Variants in GAB2 observed in about 807,000 individuals in gnomAD.
GAB2 encodes the protein GRB2-associated-binding protein 2.
GAB2 carries 26 observed loss-of-function variants against 65.5 expected under a neutral mutation model. The observed-to-expected ratio is 0.40, with a 90% confidence interval of 0.29 to 0.55. GAB2 has a LOEUF of 0.55. GAB2 is among the 20% of genes least tolerant of loss of function. The pLI is 0.53. For synonymous variants in GAB2, 321 were observed against 329.6 expected, an observed-to-expected ratio of 0.97 and a Z score of 0.28; for missense variants, 884 against 875.8, an observed-to-expected ratio of 1.01 and a Z score of -0.12.
chr11:78,267,419 A>G (rs1355885216), intron 2 of GAB2, among the ~76,000 whole-genome samples: 9 of 152,212 alleles, frequency 5.9e-5, no homozygotes, highest in Admixed American at 5.9e-4. Context: ...AGGTGAAAAC[A>G]CTGCCTCTTT....
At chr11:78,239,985 G>A (rs1376834464) in intron 3 of GAB2, among the ~76,000 whole-genome samples, 4 of 152,024 alleles carry the variant, frequency 2.6e-5, no homozygotes, top group Non-Finnish European at 5.9e-5. Context: ...ACATTCCAAA[G>A]CTGAGCTGTG....
intron 1 of GAB2, among the ~76,000 whole-genome samples, chr11:78,305,234 T>G (rs1314052836): frequency 6.6e-6 from 1 of 152,214 alleles, no homozygotes; most frequent in Non-Finnish European, 1.5e-5. Context: ...TACATGGAAG[T>G]CTGTGGCAGA....
intron 1 of GAB2, among the ~76,000 whole-genome samples, chr11:78,339,567 G>A (rs1169150821): frequency 6.6e-6 from 1 of 152,230 alleles, no homozygotes; most frequent in Admixed American, 6.5e-5. Flanking sequence ...TGGTGGCAGT[G>A]ATCAACTGTT....
At chr11:78,369,520 G>T (rs1856540609) in intron 1 of GAB2, among the ~76,000 whole-genome samples, 1 of 152,204 alleles carries the variant, frequency 6.6e-6, no homozygotes, top group Admixed American at 6.5e-5. Context: ...TTTCTCATTA[G>T]AAGAGTCGCC....
intron 1 of GAB2, among the ~76,000 whole-genome samples, chr11:78,346,576 A>G (rs1856182425): frequency 7.7e-6 from 1 of 130,444 alleles, no homozygotes; most frequent in Admixed American, 7.9e-5. Context: ...ATGCTGCCTG[A>G]GAAGAGAAGA....
chr11:78,363,590 T>A (rs1183563529), intron 1 of GAB2, among the ~76,000 whole-genome samples: 85 of 151,060 alleles, frequency 5.6e-4, no homozygotes, highest in African/African-American at 2.0e-3. Flanking sequence ...TATTTTCTTT[T>A]TTTTTTTTTT....
intron 6 of GAB2, among the ~76,000 whole-genome samples, chr11:78,222,926 A>T (rs1310079946): frequency 6.6e-6 from 1 of 152,200 alleles, no homozygotes; most frequent in Non-Finnish European, 1.5e-5. Flanking sequence ...GGTCACCGTG[A>T]CTACTCCCTG....
intron 1 of GAB2, among the ~76,000 whole-genome samples, chr11:78,346,263 T>C (rs1292247666): frequency 1.3e-5 from 2 of 152,164 alleles, no homozygotes; most frequent in Admixed American, 6.5e-5. Flanking sequence ...TAGGGCTCCA[T>C]ATTCAAAACA....
At chr11:78,385,173 T>C (rs1022841501) in intron 1 of GAB2, among the ~76,000 whole-genome samples, 1 of 152,164 alleles carries the variant, frequency 6.6e-6, no homozygotes, top group African/African-American at 2.4e-5. Context: ...AAAATCATGG[T>C]GATACACACA....
At chr11:78,410,412 G>A (rs527300412) in intron 1 of GAB2, among the ~76,000 whole-genome samples, 1 of 152,348 alleles carries the variant, frequency 6.6e-6, no homozygotes, top group Admixed American at 6.5e-5. Context: ...GCTGAGGCAG[G>A]AGAACTGCTG....
At chr11:78,309,953 TGTGTGTGTGTGTGTGTGTGC>T (rs1449197036) in intron 1 of GAB2, among the ~76,000 whole-genome samples, 1 of 141,326 alleles carries the variant, frequency 7.1e-6, no homozygotes, top group African/African-American at 3.1e-5. Flanking sequence ...TGTGTGTGTG[TGTGTGTGTGTGTGTGTGTGC>T]GCGCGCGCCT....
chr11:78,276,246 G>A (rs938391291), intron 2 of GAB2, among the ~76,000 whole-genome samples: 1 of 152,056 alleles, frequency 6.6e-6, no homozygotes, highest in Non-Finnish European at 1.5e-5. Context: ...GCTGCAGTGA[G>A]CTGTGATTAT....
intron 1 of GAB2, among the ~76,000 whole-genome samples, chr11:78,401,697 G>A (rs1219045779): frequency 2.0e-5 from 3 of 152,072 alleles, no homozygotes; most frequent in African/African-American, 7.2e-5. Context: ...GCATATATGT[G>A]ATATGTATAT....
chr11:78,410,856 C>G (rs1321777669), intron 1 of GAB2, among the ~76,000 whole-genome samples: 1 of 152,162 alleles, frequency 6.6e-6, no homozygotes, highest in African/African-American at 2.4e-5. Context: ...TCTACACCAT[C>G]TCTTCCAGAA....
At chr11:78,353,410 C>T (rs1856310496) in intron 1 of GAB2, among the ~76,000 whole-genome samples, 1 of 152,194 alleles carries the variant, frequency 6.6e-6, no homozygotes, top group Non-Finnish European at 1.5e-5. Flanking sequence ...CATTGCACTC[C>T]AGCCTGGGTA....
intron 1 of GAB2, among the ~76,000 whole-genome samples, chr11:78,337,564 G>C (rs923801367): frequency 5.1e-4 from 77 of 152,310 alleles, no homozygotes; most frequent in African/African-American, 1.8e-3. Flanking sequence ...GGAAGTTGGA[G>C]AAAGAATGGT....
chr11:78,323,842 G>T (rs1405231149), intron 1 of GAB2, among the ~76,000 whole-genome samples: 1 of 130,396 alleles, frequency 7.7e-6, no homozygotes, highest in Non-Finnish European at 1.6e-5. Context: ...CTGTTGCCCA[G>T]GCTGGAGGGC....
At chr11:78,241,822 G>T (rs961307303) in intron 3 of GAB2, among the ~76,000 whole-genome samples, 1 of 152,206 alleles carries the variant, frequency 6.6e-6, no homozygotes, top group Non-Finnish European at 1.5e-5. Flanking sequence ...ACACCATTAA[G>T]ATCTACAGGG....
chr11:78,364,814 A>C (rs1255863004), intron 1 of GAB2, among the ~76,000 whole-genome samples: 1 of 152,214 alleles, frequency 6.6e-6, no homozygotes, highest in Non-Finnish European at 1.5e-5. Context: ...ATATCTACTG[A>C]TATCAGAAGA....
Sources: gnomAD v4.1 joint callset for allele counts (sites outside exome capture counted in the v4.1 genomes callset) on GRCh38, gnomAD v4.1.1 for gene constraint, MANE v1.5 for transcripts, NCBI Gene and HGNC (gene_info 2026-07-23, HGNC 2026-07-21) for gene names.